Variants in UGT1A8 observed in about 807,000 individuals in gnomAD.
The protein encoded by UGT1A8 is UDP-glucuronosyltransferase 1A8.
Under a neutral mutation model 45.3 loss-of-function variants are expected in UGT1A8, and 39 were observed. That is an observed-to-expected ratio of 0.86 (90% CI 0.67 to 1.12). UGT1A8 has a LOEUF of 1.12. Ranked by LOEUF, UGT1A8 falls within the 50% of genes most tolerant of loss-of-function variation. UGT1A8 has a pLI of 0.00. For missense variants in UGT1A8, 719 were observed against 664.9 expected, an observed-to-expected ratio of 1.08 and a Z score of -0.90; for synonymous variants, 275 against 249.2, an observed-to-expected ratio of 1.10 and a Z score of -0.97.
intron 1 of UGT1A8, among the ~76,000 whole-genome samples, chr2:233,699,142 G>A (rs564222627): frequency 2.6e-5 from 4 of 152,274 alleles, no homozygotes; most frequent in African/African-American, 7.2e-5. Context: ...ATTCTCATGG[G>A]TGCCTTGCAA....
At position 233,637,886 on chromosome 2, in the gene UGT1A8, C is replaced by G. The variant is rs183271632; in HGVS notation, c.855+19324C>G. 3.3e-5 allele frequency among the ~76,000 whole-genome samples: 5 copies of G among 152,192 alleles called. No homozygotes were observed. In the East Asian group the frequency reaches 9.6e-4, roughly 29 times the overall value. On this transcript the variant is annotated intron_variant, in intron 1 of 4. Coordinates refer to ENST00000373450, the MANE Select transcript of UGT1A8 (RefSeq NM_019076.5). ...TTATGGGTACCTTTATAGAGCAATA[C>G]AGACAGATTTGACAAGTTCTTTTAA...
In UGT1A8 at chr2:233,676,729, A is replaced by T. The variant is rs1238370163; in HGVS notation, c.855+58167A>T. ...AGAATGTCAGTGTGTGTTTTGCCTG[A>T]TGTTTTCATCGTGGTAAAACTGGGT... On this transcript the variant is annotated intron_variant, in intron 1 of 4. Transcript: ENST00000373450. 2.6e-5 allele frequency among the ~76,000 whole-genome samples: 4 copies of T among 152,148 alleles called. 1 individual carries two copies. The highest frequency in any genetic ancestry group is 5.9e-5 in the Non-Finnish European group (4 of 68,032).
At chr2:233,645,986 A>G (rs1170065385) in intron 1 of UGT1A8, among the ~76,000 whole-genome samples, 1 of 152,170 alleles carries the variant, frequency 6.6e-6, no homozygotes, top group Non-Finnish European at 1.5e-5. Flanking sequence ...CCCTGCAGCA[A>G]ACTTCTTTCT....
chr2:233,722,551 G>A (rs1195630832), intron 1 of UGT1A8, among the ~76,000 whole-genome samples: 3 of 152,024 alleles, frequency 2.0e-5, no homozygotes, highest in Admixed American at 6.5e-5. Context: ...AGTTTCTTTT[G>A]GTTGATTTGT....
chr2:233,645,654 TCTCCTTTGA>T (rs2073581502), intron 1 of UGT1A8, among the ~76,000 whole-genome samples: 1 of 152,130 alleles, frequency 6.6e-6, no homozygotes, highest in Non-Finnish European at 1.5e-5. Flanking sequence ...TCCAAAATGA[TCTCCTTTGA>T]CTCCATGTCT....
chr2:233,766,981 G>A, intron 1 of UGT1A8, 53 bp from the exon 2 acceptor site: 1 of 1,612,648 alleles, frequency 6.2e-7, no homozygotes, highest in Non-Finnish European at 8.5e-7. Flanking sequence ...ACTGTATGTA[G>A]TCATCAAAGA....
In UGT1A8 at chr2:233,734,393, C is replaced by T. The variant is rs557317498; in HGVS notation, c.856-32641C>T. On this transcript the variant is annotated intron_variant, in intron 1 of 4. Transcript: ENST00000373450. ...ATATTGCCTTTACTATTTTTTATTG[C>T]GTCTATTTGATTCTTCTCTCTTTTC... Among the ~76,000 whole-genome samples, 8 of 152,072 alleles carry T rather than the reference C, an allele frequency of 5.3e-5. No homozygotes were observed. In the East Asian group the frequency reaches 7.7e-4, roughly 15 times the overall value.
Position 233,765,258 on chromosome 2 carries a change from A to G in UGT1A8, c.856-1776A>G, listed in dbSNP as rs28900400. On this transcript the variant is annotated intron_variant, in intron 1 of 4. Coordinates refer to ENST00000373450, the MANE Select transcript of UGT1A8 (RefSeq NM_019076.5). ...AGACTCAGTAATCCCATTACTGGGT[A>G]TATACCCAAAGAAATATAAATTATT... Among the ~76,000 whole-genome samples, 1,446 of 152,334 alleles carry G rather than the reference A, an allele frequency of 9.5e-3. 33 individuals carry two copies. Among genetic ancestry groups the G allele is most frequent in the African/African-American group, 0.033 (1,355 of 41,576 alleles).
At chr2:233,652,113 G>C (rs183404248) in intron 1 of UGT1A8, among the ~76,000 whole-genome samples, 134 of 152,324 alleles carry the variant, frequency 8.8e-4, no homozygotes, top group Non-Finnish European at 1.6e-3. Context: ...GGTGAGTGTA[G>C]CTCTGGAGAA....
At chr2:233,677,109 G>A (rs1007638228) in intron 1 of UGT1A8, among the ~76,000 whole-genome samples, 1 of 151,972 alleles carries the variant, frequency 6.6e-6, no homozygotes, top group African/African-American at 2.4e-5. Context: ...GATTGGGATT[G>A]TATTTTATTT....
intron 1 of UGT1A8, among the ~76,000 whole-genome samples, chr2:233,622,070 T>G (rs2073018375): frequency 6.6e-6 from 1 of 152,252 alleles, no homozygotes; most frequent in Non-Finnish European, 1.5e-5. Flanking sequence ...TCATCCTTTT[T>G]TATGGCTGCA....
intron 1 of UGT1A8, among the ~76,000 whole-genome samples, chr2:233,762,572 C>A (rs947472049): frequency 6.6e-6 from 1 of 152,114 alleles, no homozygotes; most frequent in Non-Finnish European, 1.5e-5. Flanking sequence ...GTCTAGTTCC[C>A]CACAGAGGAA....
chr2:233,760,863 C>A, intron 1 of UGT1A8: 1 of 1,614,134 alleles, frequency 6.2e-7, no homozygotes, highest in Non-Finnish European at 8.5e-7. Flanking sequence ...CATTCTCCTA[C>A]GTGCCCAGGC....
chr2:233,713,633 G>A (rs1299341019), intron 1 of UGT1A8: 5 of 1,613,960 alleles, frequency 3.1e-6, no homozygotes, highest in Non-Finnish European at 2.5e-6. Context: ...TCAAGAACAT[G>A]CTCTACCCTC....
chr2:233,634,760 G>T (rs541695478), intron 1 of UGT1A8, among the ~76,000 whole-genome samples: 1 of 145,148 alleles, frequency 6.9e-6, no homozygotes, highest in Admixed American at 7.1e-5. Context: ...TATCCAATTT[G>T]CCAGTCTGTG....
Position 233,767,861 on chromosome 2 carries a change from T to C in UGT1A8, c.1000T>C (p.Tyr334His). The C allele has an allele frequency of 1.9e-6, 3 of 1,614,194 alleles. No homozygotes were observed. In the South Asian group the frequency reaches 3.3e-5, roughly 18 times the overall value. ...TTGCCCCTCCCAGGTCCTGTGGCGG[T>C]ACACTGGAACCCGACCATCGAATCT... is the stretch of plus-strand genomic sequence containing the variant. ...GKIPQTVLWR[Y>H]TGTRPSNLAN... The change falls in exon 3 of 5, where the codon TAC becomes CAC. Residue 334 changes from tyrosine to histidine, a missense_variant. Transcript: ENST00000373450.
intron 1 of UGT1A8, among the ~76,000 whole-genome samples, chr2:233,639,965 A>G (rs990552167): frequency 1.1e-4 from 16 of 152,228 alleles, no homozygotes; most frequent in African/African-American, 3.1e-4. Flanking sequence ...TTCCAACAGA[A>G]TTGATGACTG....
chr2:233,754,382 CAG>C (rs1431576597), intron 1 of UGT1A8: 1 of 288,696 alleles, frequency 3.5e-6, no homozygotes, highest in African/African-American at 2.2e-5. Flanking sequence ...GAAAGACAAA[CAG>C]AGGTCCTATC....
At chr2:233,662,234 T>C in intron 1 of UGT1A8, among the ~76,000 whole-genome samples, 1 of 152,230 alleles carries the variant, frequency 6.6e-6, no homozygotes, top group Non-Finnish European at 1.5e-5. Flanking sequence ...GTCTATAATA[T>C]GGTAGTAAAT....
Sources: gnomAD v4.1 joint callset for allele counts (sites outside exome capture counted in the v4.1 genomes callset) on GRCh38, gnomAD v4.1.1 for gene constraint, MANE v1.5 for transcripts, NCBI Gene and HGNC (gene_info 2026-07-23, HGNC 2026-07-21) for gene names.